Variants in OSBPL3 observed in about 807,000 individuals in gnomAD.
The protein encoded by OSBPL3 is oxysterol-binding protein-related protein 3.
In OSBPL3, 65 loss-of-function variants were observed where a neutral mutation model predicts 120.1. The ratio of observed to expected loss-of-function variants is 0.54; its 90% confidence interval spans 0.44 to 0.67. The LOEUF is 0.67. OSBPL3 is among the 30% of genes least tolerant of loss of function. The pLI is 0.00. For synonymous variants in OSBPL3, 416 were observed against 402.6 expected, an observed-to-expected ratio of 1.03 and a Z score of -0.40; for missense variants, 1,004 against 1,082.1, an observed-to-expected ratio of 0.93 and a Z score of 1.01.
chr7:24,892,975 G>C (rs927015112), intron 1 of OSBPL3, among the ~76,000 whole-genome samples: 1 of 152,216 alleles, frequency 6.6e-6, no homozygotes, highest in African/African-American at 2.4e-5. Context: ...ACTAGTGTTG[G>C]AAAGAGTATG....
intron 1 of OSBPL3, among the ~76,000 whole-genome samples, chr7:24,963,042 T>C (rs1815967905): frequency 6.6e-6 from 1 of 152,252 alleles, no homozygotes; most frequent in African/African-American, 2.4e-5. Flanking sequence ...CAGAACTTTT[T>C]GATGACTGAA....
chr7:24,971,797 C>T (rs1817055873), intron 1 of OSBPL3, among the ~76,000 whole-genome samples: 1 of 152,188 alleles, frequency 6.6e-6, no homozygotes, highest in Non-Finnish European at 1.5e-5. Context: ...ACATGGAGAG[C>T]GCCCAACAGC....
chr7:24,898,637 T>G lies in OSBPL3; in HGVS notation c.-149-6016A>C, dbSNP rs751667915. Among the ~76,000 whole-genome samples, 1 of 152,184 alleles carries G rather than the reference T, an allele frequency of 6.6e-6. No homozygotes were observed. Among genetic ancestry groups the G allele is most frequent in the Admixed American group, 6.5e-5 (1 of 15,284 alleles). ...CAACAGAAATGCACCTGGTGCATAT[T>G]TGAAGCGTGCGGCTTCCATGAGACA... On this transcript the variant is annotated intron_variant, in intron 1 of 22. Transcript: ENST00000313367. This position sits in a 1 kb window ranked among gnomAD's most constrained non-coding sequence, Gnocchi z 4.3.
Position 24,923,207 on chromosome 7 carries a change from C to G in OSBPL3, c.-149-30586G>C, listed in dbSNP as rs753435079. Among the ~76,000 whole-genome samples, 126 of 152,236 alleles carry G rather than the reference C, an allele frequency of 8.3e-4. 2 individuals carry two copies. The highest frequency in any genetic ancestry group is 2.4e-4 in the Non-Finnish European group (16 of 68,030). The stretch of plus-strand genomic sequence containing the variant: ...GGAGCCCAAGCATGCCTGTTGACCT[C>G]TCTCTACAGAGTGGAGCTCCTCAGG... On this transcript the variant is annotated intron_variant, in intron 1 of 22. Transcript: ENST00000313367.
rs35967932 is a variant in OSBPL3 at position 24,816,839 on chromosome 7, G to C, written c.1949-151C>G. Reference sequence around the variant, plus strand: ...TAGGATAACTTTTCATAAAATATAAGTACCAACCCCATATGGGCCCTTGGA... The same window carrying C: ...TAGGATAACTTTTCATAAAATATAACTACCAACCCCATATGGGCCCTTGGA... On this transcript the variant is annotated intron_variant, in intron 17 of 22. Transcript: ENST00000313367. 4 of 622,344 alleles carry C rather than the reference G, an allele frequency of 6.4e-6. No homozygotes were observed. The African/African-American group carries it at 7.4e-5, about 11-fold the overall frequency. 38.6% of individuals were successfully genotyped at this position (622,344 alleles called of 1,614,324 possible). A position where few individuals can be genotyped will look rare whatever the true frequency, so the allele number is the denominator to read the frequency against.
rs368841486 is a variant in OSBPL3 at position 24,908,071 on chromosome 7, G to C, written c.-149-15450C>G. Among the ~76,000 whole-genome samples the C allele has an allele frequency of 1.1e-4, 16 of 152,126 alleles. 1 individual carries two copies. Among genetic ancestry groups the C allele is most frequent in the Admixed American group, 4.6e-4 (7 of 15,280 alleles). On this transcript the variant is annotated intron_variant, in intron 1 of 22. Transcript: ENST00000313367. Reference sequence around the variant, plus strand: ...TTGTGAGATCTCCTTGCCATTTTAAGTCTTTGGCCACAAGAGACATCATTT... The same window carrying C: ...TTGTGAGATCTCCTTGCCATTTTAACTCTTTGGCCACAAGAGACATCATTT...
chr7:24,860,651 A>G (rs1199978474), intron 10 of OSBPL3, among the ~76,000 whole-genome samples: 1 of 152,218 alleles, frequency 6.6e-6, no homozygotes, highest in Non-Finnish European at 1.5e-5. Context: ...TATCAGCAGC[A>G]TGAAAATGGA....
At position 24,939,206 on chromosome 7, in the gene OSBPL3, C is replaced by T. The variant is rs968588479; in HGVS notation, c.-150+40680G>A. 6.6e-6 allele frequency among the ~76,000 whole-genome samples: 1 copy of T among 152,200 alleles called. No homozygotes were observed. Among genetic ancestry groups the T allele is most frequent in the African/African-American group, 2.4e-5 (1 of 41,454 alleles). On this transcript the variant is annotated intron_variant, in intron 1 of 22. Transcript: ENST00000313367. The surrounding 1 kb of genome is among the most constrained non-coding windows in gnomAD (Gnocchi z 4.2). ...AATATTCAGAGAAGGAAGAACAACA[C>T]TGTCCATAATCCAAAGGACCAAGGT...
rs1475474085 is a variant in OSBPL3 at position 24,806,872 on chromosome 7, T to C, written c.2348A>G (p.Tyr783Cys). The stretch of plus-strand genomic sequence containing the variant: ...TTCCAGCGCAAACTGTGTGAAGCTA[T>C]AGTATTGCTCGTAGCCTTTCGGCAT... Reference protein sequence around the residue: ...NPMPKGYEQYYSFTQFALELN... With the variant: ...NPMPKGYEQYCSFTQFALELN... The change falls in exon 21 of 23, where the codon TAT (tyrosine) becomes TGT (cysteine). Residue 783 changes from tyrosine (Y) to cysteine (C), a missense_variant. Tyr to Cys is a radical substitution (Grantham distance 194). Coordinates refer to ENST00000313367, the MANE Select transcript of OSBPL3 (RefSeq NM_015550.4). The surrounding 1 kb of genome is among the most constrained non-coding windows in gnomAD (Gnocchi z 5.2). 1.2e-6 allele frequency: 2 copies of C among 1,613,754 alleles called. No homozygotes were observed. Among genetic ancestry groups the C allele is most frequent in the Non-Finnish European group, 1.7e-6 (2 of 1,179,746 alleles).
rs924543634 is a variant in OSBPL3, at chr7:24,891,386, T to C, written c.96+991A>G. ...GCTCCTTATCCCAGGCAACGCTCAG[T>C]TGGACAGACCCCTGATGATGTGTCA... is the stretch of plus-strand genomic sequence containing the variant. On this transcript the variant is annotated intron_variant, in intron 2 of 22. Transcript: ENST00000313367. This position sits in a 1 kb window ranked among gnomAD's most constrained non-coding sequence, Gnocchi z 4.1. 6.6e-6 allele frequency among the ~76,000 whole-genome samples: 1 copy of C among 152,268 alleles called. No individual in the cohort carries two copies. Among genetic ancestry groups the C allele is most frequent in the Non-Finnish European group, 1.5e-5 (1 of 68,012 alleles).
At chr7:24,909,955 C>T (rs1398914919) in intron 1 of OSBPL3, among the ~76,000 whole-genome samples, 1 of 151,824 alleles carries the variant, frequency 6.6e-6, no homozygotes, top group Non-Finnish European at 1.5e-5. Context: ...CAGGCACACA[C>T]CACCATGCCC....
intron 1 of OSBPL3, among the ~76,000 whole-genome samples, chr7:24,910,552 A>G (rs982499087): frequency 2.0e-5 from 3 of 152,248 alleles, no homozygotes; most frequent in African/African-American, 7.2e-5. Context: ...CCTATAAAGT[A>G]ACTACTATGT....
rs1044166092 is a variant in OSBPL3 at position 24,918,601 on chromosome 7, C to G, written c.-149-25980G>C. 6.6e-5 allele frequency among the ~76,000 whole-genome samples: 10 copies of G among 152,132 alleles called. No homozygotes were observed. On this transcript the variant is annotated intron_variant, in intron 1 of 22. Coordinates refer to ENST00000313367, the MANE Select transcript of OSBPL3 (RefSeq NM_015550.4). This position sits in a 1 kb window ranked among gnomAD's most constrained non-coding sequence, Gnocchi z 4.3. ...GCAATTAACTTTATATTTACCCAAG[C>G]AAATAAGAAAATGGGATCAACATTT...
chr7:24,809,868 C>T lies in OSBPL3; in HGVS notation c.2256G>A (p.Gly752=), dbSNP rs1181633559. Residue 752 remains glycine, a synonymous_variant, in exon 20 of 23, where the codon GGG becomes GGA. Transcript: ENST00000313367. ...CACAGTAGATGCTTTCATGCCATTT[C>T]CCAAACAGCCGATGAACCGCTTTTC... is the stretch of plus-strand genomic sequence containing the variant. ...RSGKAVHRLF[G]KWHESIYCGG... The T allele has an allele frequency of 1.2e-6, 2 of 1,614,066 alleles. No homozygotes were observed. The highest frequency in any genetic ancestry group is 1.3e-5 in the African/African-American group (1 of 74,918).
intron 14 of OSBPL3, among the ~76,000 whole-genome samples, chr7:24,839,480 G>C (rs17150265): frequency 0.037 from 5,690 of 152,176 alleles, 238 homozygotes; most frequent in African/African-American, 0.1. Context: ...CAGTAATAAA[G>C]GGTCATCTTA....
rs70942889 is a variant in OSBPL3, at chr7:24,854,502, GCACACACACA to G, written c.1028-1878_1028-1869del. On this transcript the variant is annotated intron_variant, in intron 10 of 22. Transcript: ENST00000313367. The surrounding 1 kb of genome is among the most constrained non-coding windows in gnomAD (Gnocchi z 4.1). ...CACAACAATTTGTACACACACACAC[GCACACACACA>G]CACACACACACACACACACACACAC... Among the ~76,000 whole-genome samples, 1,433 of 131,560 alleles carry G rather than the reference GCACACACACA, an allele frequency of 0.011. 18 individuals are homozygous for G. Among genetic ancestry groups the G allele is most frequent in the South Asian group, 0.04 (168 of 4,158 alleles). The allele number at this position is 131,560 out of a possible 152,430, so 86.3% of individuals were successfully genotyped here.
chr7:24,798,054 T>C lies in OSBPL3; in HGVS notation c.*2129A>G, dbSNP rs550767655. On this transcript the variant is annotated 3_prime_UTR_variant, in exon 23 of 23. Coordinates refer to ENST00000313367, the MANE Select transcript of OSBPL3 (RefSeq NM_015550.4). The surrounding 1 kb of genome is among the most constrained non-coding windows in gnomAD (Gnocchi z 4.6). The stretch of plus-strand genomic sequence containing the variant: ...TTATAGATGCTAGTACTGACTAGAT[T>C]TTAAAATCTGCATATAGTTCTCTAT... The C allele has an allele frequency of 3.3e-4, 51 of 152,362 alleles. No homozygotes were observed. The South Asian group carries it at 1.0e-2, about 30-fold the overall frequency. The allele number at this position is 152,362 out of a possible 1,614,324, so 9.4% of individuals were successfully genotyped here. A position where few individuals can be genotyped will look rare whatever the true frequency, so the allele number is the denominator to read the frequency against.
Position 24,938,313 on chromosome 7 carries a change from A to G in OSBPL3, c.-150+41573T>C, listed in dbSNP as rs1812659842. Among the ~76,000 whole-genome samples, 1 of 152,362 alleles carries G rather than the reference A, an allele frequency of 6.6e-6. No homozygotes were observed. ...ATGATGCAGGCAGCCCTCACCAGAC[A>G]CTGAATCTGCCAGCACCTTGATCGT... is the stretch of plus-strand genomic sequence containing the variant. On this transcript the variant is annotated intron_variant, in intron 1 of 22. Coordinates refer to ENST00000313367, the MANE Select transcript of OSBPL3 (RefSeq NM_015550.4). The surrounding 1 kb of genome is among the most constrained non-coding windows in gnomAD (Gnocchi z 5.8).
chr7:24,861,158 G>T (rs751307452), intron 10 of OSBPL3, among the ~76,000 whole-genome samples: 11 of 152,098 alleles, frequency 7.2e-5, no homozygotes, highest in Non-Finnish European at 1.2e-4. Flanking sequence ...GCTTTAATCT[G>T]CATTTTCCTA....
Sources: gnomAD v4.1 joint callset for allele counts (sites outside exome capture counted in the v4.1 genomes callset) on GRCh38, gnomAD v4.1.1 for gene constraint, Gnocchi (gnomAD v3.1) non-coding constraint, MANE v1.5 for transcripts, NCBI Gene and HGNC (gene_info 2026-07-23, HGNC 2026-07-21) for gene names.